The following HIPK3 variants were observed in gnomAD, a reference collection of about 807,000 sequenced individuals.
HIPK3 encodes the protein homeodomain interacting protein kinase 3.
HIPK3 carries 47 observed loss-of-function variants against 124.2 expected under a neutral mutation model. That is an observed-to-expected ratio of 0.38 (90% CI 0.30 to 0.48). The LOEUF (loss-of-function observed/expected upper bound fraction) is 0.48. Ranked by LOEUF, HIPK3 falls within the 20% of genes least tolerant of loss-of-function variation. The probability of loss-of-function intolerance (pLI) is 0.98; values close to 1 mark genes in which losing one functional copy is unlikely to be tolerated. For missense variants in HIPK3, 1,286 were observed against 1,454.3 expected (o/e 0.88, Z 1.88); for synonymous variants, 482 against 515.2 (o/e 0.94, Z 0.87).
At chr11:33,346,509 T>G (rs1339200215) in intron 8 of HIPK3, among the ~76,000 whole-genome samples, 2 of 152,202 alleles carry the variant, frequency 1.3e-5, no homozygotes, top group Non-Finnish European at 2.9e-5. Context: ...GTGATGTATT[T>G]CTGTTTTGGT....
intron 2 of HIPK3, among the ~76,000 whole-genome samples, chr11:33,305,212 G>C (rs930389883): frequency 1.4e-4 from 21 of 152,082 alleles, no homozygotes; most frequent in African/African-American, 5.1e-4. Context: ...ACGTTGGCCA[G>C]GTTGGTCTCG....
At position 33,330,700 on chromosome 11, in the gene HIPK3, C is replaced by T. The variant is rs140730370; in HGVS notation, c.1221+2067C>T. 9.1e-3 allele frequency among the ~76,000 whole-genome samples: 1,389 copies of T among 152,024 alleles called. 25 individuals carry two copies. The highest frequency in any genetic ancestry group is 0.031 in the African/African-American group (1,298 of 41,458). The stretch of plus-strand genomic sequence containing the variant: ...AAATAAATTGTAGTGATTTTGTGGG[C>T]GTCTTTGTTTTGGCCCTAATCTGGG... On this transcript the variant is annotated intron_variant, in intron 3 of 16. Transcript: ENST00000303296.
At chr11:33,326,184 T>G (rs1037062382) in intron 2 of HIPK3, among the ~76,000 whole-genome samples, 12 of 152,152 alleles carry the variant, frequency 7.9e-5, no homozygotes, top group African/African-American at 2.9e-4. Flanking sequence ...GTCCTCCCAT[T>G]GGTCTAACTT....
At chr11:33,351,926 T>A in intron 15 of HIPK3, 83 bp downstream of exon 15, 1 of 1,213,578 alleles carries the variant, frequency 8.2e-7, no homozygotes, top group Non-Finnish European at 1.2e-6. Context: ...GTTGCCAAAG[T>A]CATCTCTGAA....
chr11:33,265,894 G>T (rs1388036353), intron 1 of HIPK3, among the ~76,000 whole-genome samples: 1 of 151,162 alleles, frequency 6.6e-6, no homozygotes, highest in Non-Finnish European at 1.5e-5. Context: ...GACCATCCTG[G>T]CTAACATGGT....
chr11:33,283,856 G>C (rs1188806198), intron 1 of HIPK3, among the ~76,000 whole-genome samples: 2 of 151,858 alleles, frequency 1.3e-5, no homozygotes, highest in Non-Finnish European at 2.9e-5. Flanking sequence ...TGTATTTTTA[G>C]TAGAGAAGGG....
chr11:33,330,899 T>C (rs541560099), intron 3 of HIPK3, among the ~76,000 whole-genome samples: 1 of 152,048 alleles, frequency 6.6e-6, no homozygotes, highest in African/African-American at 2.4e-5. Context: ...CTTTTTCTTT[T>C]TTGAGACAGG....
In HIPK3 at chr11:33,355,969, A is replaced by G. The variant is rs1029157886; in HGVS notation, c.*2401A>G. 6.6e-6 allele frequency: 1 copy of G among 151,970 alleles called. No homozygotes were observed. Among genetic ancestry groups the G allele is most frequent in the Non-Finnish European group, 1.5e-5 (1 of 67,868 alleles). 9.4% of individuals were successfully genotyped at this position (151,970 alleles called of 1,614,324 possible). On this transcript the variant is annotated 3_prime_UTR_variant, in exon 17 of 17. Coordinates refer to ENST00000303296, the MANE Select transcript of HIPK3 (RefSeq NM_005734.5). ...CCTCCACAGCCTTCTAATTTTATTTATATGTTCCAGCAGATTATTAGGATC... is the reference window on the plus strand; with the variant it reads ...CCTCCACAGCCTTCTAATTTTATTTGTATGTTCCAGCAGATTATTAGGATC...
chr11:33,283,133 C>G (rs573603036), intron 1 of HIPK3, among the ~76,000 whole-genome samples: 1,539 of 148,626 alleles, frequency 0.01, 8 homozygotes, highest in Non-Finnish European at 0.015. Flanking sequence ...TTTTTTGAGA[C>G]GGAGTCTCCC....
chr11:33,356,351 G>A lies in HIPK3; in HGVS notation c.*2783G>A, dbSNP rs1853816007. The A allele has an allele frequency of 6.6e-6, 1 of 151,980 alleles. No individual in the cohort carries two copies. Among genetic ancestry groups the A allele is most frequent in the South Asian group, 2.1e-4 (1 of 4,834 alleles). 9.4% of individuals were successfully genotyped at this position (151,980 alleles called of 1,614,324 possible). ...ATTCTTAATTTAGCATATTGACAAA[G>A]TAATCTGGATTTATACCTTTTAAAA... On this transcript the variant is annotated 3_prime_UTR_variant, in exon 17 of 17. Transcript: ENST00000303296.
chr11:33,330,002 T>C (rs928242968), intron 3 of HIPK3, among the ~76,000 whole-genome samples: 3 of 152,198 alleles, frequency 2.0e-5, no homozygotes, highest in African/African-American at 4.8e-5. Flanking sequence ...ACAACTGATA[T>C]TAGTATTGAA....
Position 33,318,373 on chromosome 11 carries a change from A to G in HIPK3, c.1098-10137A>G, listed in dbSNP as rs573700228. ...TGAGTGAGCCACAGTGACTGGCCCA[A>G]AAGTCCAGTAGTTTTAGGGATCATA... On this transcript the variant is annotated intron_variant, in intron 2 of 16. Transcript: ENST00000303296. Among the ~76,000 whole-genome samples, 4 of 152,248 alleles carry G rather than the reference A, an allele frequency of 2.6e-5. No homozygotes were observed. The South Asian group carries it at 8.3e-4, about 32-fold the overall frequency.
chr11:33,336,770 C>T (rs1480371985), intron 3 of HIPK3, among the ~76,000 whole-genome samples: 2 of 152,070 alleles, frequency 1.3e-5, no homozygotes, highest in African/African-American at 4.8e-5. Flanking sequence ...CATAGTTTTT[C>T]TCCCCACTCT....
intron 2 of HIPK3, among the ~76,000 whole-genome samples, chr11:33,307,270 T>C (rs879616517): frequency 6.6e-6 from 1 of 152,040 alleles, no homozygotes. Flanking sequence ...AACTATCTTA[T>C]TGAATTGTAA....
intron 3 of HIPK3, among the ~76,000 whole-genome samples, chr11:33,330,311 GT>G (rs919771763): frequency 8.6e-5 from 13 of 152,032 alleles, no homozygotes; most frequent in East Asian, 1.9e-4. Flanking sequence ...GTTCAGTGGG[GT>G]TTTTTTGTCT....
chr11:33,291,316 G>A (rs1181214151), intron 2 of HIPK3, among the ~76,000 whole-genome samples: 1 of 152,134 alleles, frequency 6.6e-6, no homozygotes, highest in African/African-American at 2.4e-5. Context: ...ATAAATGAAA[G>A]CAGGAAGTGG....
At position 33,341,072 on chromosome 11, in the gene HIPK3, G is replaced by T. The variant is rs1243534627; in HGVS notation, c.1718G>T (p.Ser573Ile). 6.2e-7 allele frequency: 1 copy of T among 1,612,252 alleles called. No individual in the cohort carries two copies. Among genetic ancestry groups the T allele is most frequent in the Non-Finnish European group, 8.5e-7 (1 of 1,179,078 alleles). Residue 573 changes from serine (S) to isoleucine (I), a missense_variant, in exon 7 of 17, where the codon AGC becomes ATC. By Grantham distance (142) the Ser-to-Ile change is moderately radical. Coordinates refer to ENST00000303296, the MANE Select transcript of HIPK3 (RefSeq NM_005734.5). Reference sequence around the variant, plus strand: ...TCACTTTTAAGACCAGTTGCTTCAAGCAGTACTGCTACACTGACTGCAAAT... The same window carrying T: ...TCACTTTTAAGACCAGTTGCTTCAATCAGTACTGCTACACTGACTGCAAAT... The part of the protein sequence containing the change: ...KTSLLRPVAS[S>I]STATLTANFT...
At position 33,305,168 on chromosome 11, in the gene HIPK3, C is replaced by CT. The variant is rs568931658; in HGVS notation, c.1097+17661dup. ...GGCTTGCGCCACCATGCCTGACCAA[C>CT]TTTTGTATTTTTTGGTAGAGGCAGG... is the stretch of plus-strand genomic sequence containing the variant. On this transcript the variant is annotated intron_variant, in intron 2 of 16. Coordinates refer to ENST00000303296, the MANE Select transcript of HIPK3 (RefSeq NM_005734.5). Among the ~76,000 whole-genome samples, 88 of 152,086 alleles carry CT rather than the reference C, an allele frequency of 5.8e-4. No homozygotes were observed. In the Middle Eastern group the frequency reaches 0.014, roughly 24 times the overall value.
rs181734890 is a variant in HIPK3, at chr11:33,272,464, G to A, written c.-2-13949G>A. 8.7e-4 allele frequency among the ~76,000 whole-genome samples: 132 copies of A among 151,898 alleles called. 1 individual carries two copies. The highest frequency in any genetic ancestry group is 4.6e-3 in the South Asian group (22 of 4,806). On this transcript the variant is annotated intron_variant, in intron 1 of 16. Coordinates refer to ENST00000303296, the MANE Select transcript of HIPK3 (RefSeq NM_005734.5). ...TGGGTACTGTCTTGAGAAGCTGCTTGTTTTCTTAACTCTTTAGATGTTTGT... is the reference window on the plus strand; with the variant it reads ...TGGGTACTGTCTTGAGAAGCTGCTTATTTTCTTAACTCTTTAGATGTTTGT...
Sources: gnomAD v4.1 joint callset for allele counts (sites outside exome capture counted in the v4.1 genomes callset) on GRCh38, gnomAD v4.1.1 for gene constraint, MANE v1.5 for transcripts, NCBI Gene and HGNC (gene_info 2026-07-23, HGNC 2026-07-21) for gene names.